PPP2R5E: variants seen among roughly 807,000 people sequenced by gnomAD.
PPP2R5E encodes the protein serine/threonine-protein phosphatase 2A 56 kDa regulatory subunit epsilon isoform.
Under a neutral mutation model 65.3 loss-of-function variants are expected in PPP2R5E, and 4 were observed. That is an observed-to-expected ratio of 0.06 (90% confidence interval 0.03 to 0.14). The LOEUF (loss-of-function observed/expected upper bound fraction) is 0.14. Among genes scored for constraint, PPP2R5E ranks in the 10% least tolerant of loss-of-function variants. The pLI, the probability that PPP2R5E is intolerant of heterozygous loss-of-function variation, is 1.00. For missense variants in PPP2R5E, 274 were observed against 556.1 expected, an observed-to-expected ratio of 0.49 and a Z score of 5.10; for synonymous variants, 183 against 187.4, an observed-to-expected ratio of 0.98 and a Z score of 0.19.
rs73274622 is a variant in PPP2R5E at position 63,455,282 on chromosome 14, G to A, written c.158-1397C>T. Among the ~76,000 whole-genome samples the A allele has an allele frequency of 3.8e-3, 574 of 152,150 alleles. 2 individuals are homozygous for A. The highest frequency in any genetic ancestry group is 0.013 in the African/African-American group (540 of 41,500). On this transcript the variant is annotated intron_variant, in intron 2 of 13. Transcript: ENST00000337537. ...ACCCAAATGCCAGCATAGCTACCTCGGACCTCACAGGCAATTCTGGCAAAA... is the reference window on the plus strand; with the variant it reads ...ACCCAAATGCCAGCATAGCTACCTCAGACCTCACAGGCAATTCTGGCAAAA...
Position 63,542,907 on chromosome 14 carries a change from G to A in PPP2R5E, c.-136C>T, listed in dbSNP as rs1302763454. ...AGGGGGAGGTCCGGGCAGCTGCGGG[G>A]AGCCTGGGGCGACGGCTGTCCGGTA... On this transcript the variant is annotated 5_prime_UTR_variant, in exon 1 of 14. Transcript: ENST00000337537. 6.5e-6 allele frequency: 1 copy of A among 153,090 alleles called. No homozygotes were observed. The highest frequency in any genetic ancestry group is 2.4e-5 in the African/African-American group (1 of 41,474). The allele number at this position is 153,090 out of a possible 1,614,324, so 9.5% of individuals were successfully genotyped here. A position where few individuals can be genotyped will look rare whatever the true frequency, so the allele number is the denominator to read the frequency against.
In PPP2R5E at chr14:63,505,607, A is replaced by G. The variant is rs574797985; in HGVS notation, c.157+33922T>C. Among the ~76,000 whole-genome samples, 12 of 152,314 alleles carry G rather than the reference A, an allele frequency of 7.9e-5. No homozygotes were observed. The South Asian group carries it at 2.5e-3, about 32-fold the overall frequency. On this transcript the variant is annotated intron_variant, in intron 2 of 13. Transcript: ENST00000337537. ...TGATAAAGTATGGACTGCAAGCTGG[A>G]GAATCACAGCCTTCTGCACACACTC...
At chr14:63,531,748 G>A (rs963146504) in intron 2 of PPP2R5E, among the ~76,000 whole-genome samples, 6 of 152,052 alleles carry the variant, frequency 3.9e-5, no homozygotes, top group African/African-American at 1.4e-4. Flanking sequence ...GAGGTCAAGA[G>A]TTCAAGACCA....
At chr14:63,499,739 AAAAG>A (rs1404845847) in intron 2 of PPP2R5E, among the ~76,000 whole-genome samples, 1 of 152,104 alleles carries the variant, frequency 6.6e-6, no homozygotes, top group Non-Finnish European at 1.5e-5. Flanking sequence ...AAAAAAAAAA[AAAAG>A]AAAGAAACCA....
intron 2 of PPP2R5E, among the ~76,000 whole-genome samples, chr14:63,487,353 A>AC (rs142693850): frequency 0.06 from 9,054 of 150,780 alleles, 656 homozygotes; most frequent in African/African-American, 0.18. Context: ...ATAATTTACC[A>AC]CCCCCCCCTC....
chr14:63,540,458 C>G (rs1280145423), intron 1 of PPP2R5E, among the ~76,000 whole-genome samples: 1 of 138,448 alleles, frequency 7.2e-6, no homozygotes, highest in Non-Finnish European at 1.5e-5. Flanking sequence ...AAGCCAGGCA[C>G]AGTGGCACAC....
At chr14:63,424,050 A>T (rs1340162020) in intron 3 of PPP2R5E, among the ~76,000 whole-genome samples, 4 of 152,216 alleles carry the variant, frequency 2.6e-5, no homozygotes, top group African/African-American at 4.8e-5. Flanking sequence ...GAAGAGGACA[A>T]GTTAGAAGGC....
chr14:63,496,116 T>C (rs1366470935), intron 2 of PPP2R5E, among the ~76,000 whole-genome samples: 1 of 152,196 alleles, frequency 6.6e-6, no homozygotes, highest in Non-Finnish European at 1.5e-5. Flanking sequence ...CTATAAATCA[T>C]GCTTTGTGGA....
chr14:63,410,779 T>C (rs189809790), intron 5 of PPP2R5E, among the ~76,000 whole-genome samples: 1 of 152,314 alleles, frequency 6.6e-6, no homozygotes, highest in Non-Finnish European at 1.5e-5. Context: ...GTTAATGCAC[T>C]GATTAGTCAG....
chr14:63,519,479 T>G (rs529335360), intron 2 of PPP2R5E, among the ~76,000 whole-genome samples: 1 of 151,010 alleles, frequency 6.6e-6, no homozygotes, highest in Non-Finnish European at 1.5e-5. Flanking sequence ...TAGCTGCGAT[T>G]ACAGGCACAC....
In PPP2R5E at chr14:63,388,755, G is replaced by A. The variant is rs1415929898; in HGVS notation, c.1074+857C>T. ...CTAGTGTCTCTAACTATACAGCATA[G>A]TTGACAGCTTAGGGAAAAAGTCCGC... is the stretch of plus-strand genomic sequence containing the variant. On this transcript the variant is annotated intron_variant, in intron 11 of 13. Coordinates refer to ENST00000337537, the MANE Select transcript of PPP2R5E (RefSeq NM_006246.5). Among the ~76,000 whole-genome samples the A allele has an allele frequency of 3.9e-5, 6 of 152,222 alleles. No individual in the cohort carries two copies. In the South Asian group the frequency reaches 1.2e-3, roughly 31 times the overall value.
intron 12 of PPP2R5E, among the ~76,000 whole-genome samples, chr14:63,382,542 C>T (rs1479990031): frequency 1.3e-5 from 2 of 152,048 alleles, no homozygotes; most frequent in African/African-American, 4.8e-5. Flanking sequence ...GCTGGGATTA[C>T]AGAAGCGAGC....
intron 2 of PPP2R5E, among the ~76,000 whole-genome samples, chr14:63,500,676 G>T (rs1358312612): frequency 6.6e-6 from 1 of 152,000 alleles, no homozygotes; most frequent in Non-Finnish European, 1.5e-5. Flanking sequence ...ACATAGATAG[G>T]CAATATAGCA....
chr14:63,519,722 C>T (rs958414267), intron 2 of PPP2R5E, among the ~76,000 whole-genome samples: 1 of 150,552 alleles, frequency 6.6e-6, no homozygotes, highest in African/African-American at 2.5e-5. Flanking sequence ...AGTGCAGCGG[C>T]GCAATCTCGG....
At chr14:63,478,724 A>G (rs1890537926) in intron 2 of PPP2R5E, among the ~76,000 whole-genome samples, 1 of 152,194 alleles carries the variant, frequency 6.6e-6, no homozygotes, top group South Asian at 2.1e-4. Flanking sequence ...AATCTAGGAT[A>G]TGAAGTACAC....
intron 2 of PPP2R5E, among the ~76,000 whole-genome samples, chr14:63,458,914 T>C (rs1889301702): frequency 6.6e-6 from 1 of 152,192 alleles, no homozygotes. Flanking sequence ...CCCTTTTACT[T>C]CTATTTCTCC....
chr14:63,505,700 T>G (rs1047635757), intron 2 of PPP2R5E, among the ~76,000 whole-genome samples: 1 of 152,164 alleles, frequency 6.6e-6, no homozygotes, highest in Non-Finnish European at 1.5e-5. Flanking sequence ...GCATCCCCTC[T>G]CACTTGACAG....
At chr14:63,501,644 G>A (rs1891895194) in intron 2 of PPP2R5E, among the ~76,000 whole-genome samples, 2 of 152,092 alleles carry the variant, frequency 1.3e-5, no homozygotes, top group South Asian at 2.1e-4. Flanking sequence ...TGTGGTGATG[G>A]TTATACAACT....
chr14:63,377,650 T>C (rs1435961150), intron 13 of PPP2R5E, among the ~76,000 whole-genome samples: 1 of 152,228 alleles, frequency 6.6e-6, no homozygotes, highest in Non-Finnish European at 1.5e-5. Flanking sequence ...ATTAATATCA[T>C]GATCTAATAG....
Sources: allele counts gnomAD v4.1 joint callset (sites outside exome capture counted in the v4.1 genomes callset), GRCh38; gene constraint gnomAD v4.1.1; transcripts MANE v1.5; gene names NCBI Gene and HGNC (gene_info 2026-07-23, HGNC 2026-07-21).